DNAJC1: variants seen among roughly 807,000 people sequenced by gnomAD.
The protein encoded by DNAJC1 is dnaJ homolog subfamily C member 1.
DNAJC1 carries 58 observed loss-of-function variants against 76.6 expected under a neutral mutation model. The ratio of observed to expected loss-of-function variants is 0.76; its 90% CI spans 0.61 to 0.94. The LOEUF (loss-of-function observed/expected upper bound fraction) is 0.94. DNAJC1 is among the 40% of genes least tolerant of loss of function. The probability of loss-of-function intolerance (pLI) is 0.00; values close to 1 mark genes in which losing one functional copy is unlikely to be tolerated. For missense variants in DNAJC1, 689 were observed against 677.3 expected (o/e 1.02, Z -0.19); for synonymous variants, 258 against 267.9 (o/e 0.96, Z 0.36).
At chr10:21,889,119 C>T (rs1311347126) in intron 7 of DNAJC1, among the ~76,000 whole-genome samples, 2 of 152,082 alleles carry the variant, frequency 1.3e-5, no homozygotes, top group African/African-American at 4.8e-5. Flanking sequence ...AGTGTGAATG[C>T]TTCTGCCTCT....
At chr10:21,967,342 T>C (rs1482009088) in intron 1 of DNAJC1, among the ~76,000 whole-genome samples, 1 of 152,176 alleles carries the variant, frequency 6.6e-6, no homozygotes, top group Non-Finnish European at 1.5e-5. Flanking sequence ...TTGAGGTTCA[T>C]CCATACCATC....
chr10:21,994,037 G>C (rs533340027), intron 1 of DNAJC1, among the ~76,000 whole-genome samples: 1 of 152,142 alleles, frequency 6.6e-6, no homozygotes, highest in South Asian at 2.1e-4. Flanking sequence ...ACTTCTCTGG[G>C]ACTTTTCTTT....
At chr10:21,842,378 C>T (rs1274231349) in intron 8 of DNAJC1, among the ~76,000 whole-genome samples, 2 of 151,872 alleles carry the variant, frequency 1.3e-5, no homozygotes, top group Non-Finnish European at 2.9e-5. Context: ...GAGGGATTTC[C>T]AAGGAAGAGA....
chr10:21,896,182 C>G (rs1027483325), intron 7 of DNAJC1, among the ~76,000 whole-genome samples: 1 of 152,154 alleles, frequency 6.6e-6, no homozygotes, highest in Non-Finnish European at 1.5e-5. Flanking sequence ...ACCACTAAGA[C>G]CTCAGAACTG....
chr10:21,921,821 T>C (rs1032265345), intron 3 of DNAJC1, among the ~76,000 whole-genome samples: 4 of 152,054 alleles, frequency 2.6e-5, no homozygotes, highest in African/African-American at 9.7e-5. Context: ...AGACAATCAT[T>C]GAACAAATAT....
chr10:21,867,042 T>G (rs1393107716), intron 8 of DNAJC1, among the ~76,000 whole-genome samples: 1 of 152,126 alleles, frequency 6.6e-6, no homozygotes, highest in Non-Finnish European at 1.5e-5. Context: ...ATTTATAGCC[T>G]TTAATACCTA....
chr10:21,959,025 T>C (rs1398175719), intron 1 of DNAJC1, among the ~76,000 whole-genome samples: 1 of 152,194 alleles, frequency 6.6e-6, no homozygotes, highest in Non-Finnish European at 1.5e-5. Context: ...CAGTACAGAA[T>C]GCATGGAAGG....
intron 3 of DNAJC1, 129 bp downstream of exon 3, chr10:21,928,377 C>T: frequency 2.6e-6 from 2 of 780,192 alleles, no homozygotes; most frequent in African/African-American, 1.8e-5. Context: ...TTTTAAAACA[C>T]TGCATTTCTC....
chr10:21,776,719 A>G (rs1167621160), intron 9 of DNAJC1, among the ~76,000 whole-genome samples: 1 of 152,216 alleles, frequency 6.6e-6, no homozygotes, highest in Non-Finnish European at 1.5e-5. Context: ...CTGTCTAGAT[A>G]GAAAAATATG....
At chr10:21,892,835 T>C (rs957508110) in intron 7 of DNAJC1, among the ~76,000 whole-genome samples, 7 of 152,028 alleles carry the variant, frequency 4.6e-5, no homozygotes, top group Admixed American at 6.5e-5. Context: ...CAAGATGGCA[T>C]AGCAATCCTA....
chr10:21,875,703 A>C (rs894950044), intron 8 of DNAJC1, among the ~76,000 whole-genome samples: 2 of 152,200 alleles, frequency 1.3e-5, no homozygotes, highest in African/African-American at 4.8e-5. Context: ...AGGCAGGCAG[A>C]TCACTTGTGG....
intron 7 of DNAJC1, among the ~76,000 whole-genome samples, chr10:21,887,614 C>CTTTTGACTTT (rs1836388020): frequency 1.3e-5 from 2 of 152,030 alleles, no homozygotes; most frequent in Non-Finnish European, 2.9e-5. Context: ...TTTGACAAAG[C>CTTTTGACTTT]TGATAAAAAC....
In DNAJC1 at chr10:21,928,494, A is replaced by T; in HGVS notation, c.371+12T>A. The T allele has an allele frequency of 6.2e-7, 1 of 1,610,664 alleles. No individual in the cohort carries two copies. Among genetic ancestry groups the T allele is most frequent in the South Asian group, 1.1e-5 (1 of 90,792 alleles). ...ATAACATCTTAATTCAAAAGCAGAA[A>T]TGAACACTCACCTCTGCCTTCGTTC... On this transcript the variant is annotated intron_variant, in intron 3 of 11. Coordinates refer to ENST00000376980, the MANE Select transcript of DNAJC1 (RefSeq NM_022365.4).
rs1037034313 is a variant in DNAJC1 at position 21,979,124 on chromosome 10, G to C, written c.222+24089C>G. On this transcript the variant is annotated intron_variant, in intron 1 of 11. Transcript: ENST00000376980. ...CAAGATAAGTTTTCTTGCAATTAAA[G>C]ACAAAACCTTAGTAAAATATGAAGA... Among the ~76,000 whole-genome samples, 6 of 151,334 alleles carry C rather than the reference G, an allele frequency of 4.0e-5. No homozygotes were observed. The East Asian group carries it at 1.2e-3, about 29-fold the overall frequency.
At chr10:21,992,596 T>C (rs1838344328) in intron 1 of DNAJC1, among the ~76,000 whole-genome samples, 1 of 152,172 alleles carries the variant, frequency 6.6e-6, no homozygotes, top group Non-Finnish European at 1.5e-5. Context: ...CATTCTTAAA[T>C]GTGACTTTTA....
chr10:21,881,629 C>A (rs1423163045), intron 8 of DNAJC1, among the ~76,000 whole-genome samples: 2 of 152,000 alleles, frequency 1.3e-5, no homozygotes, highest in Non-Finnish European at 2.9e-5. Context: ...TGCTGTCTTA[C>A]ATGTGTGCAC....
intron 8 of DNAJC1, among the ~76,000 whole-genome samples, chr10:21,864,258 C>T (rs1251321930): frequency 1.3e-5 from 2 of 151,638 alleles, no homozygotes; most frequent in South Asian, 2.1e-4. Context: ...AAACTTTGAC[C>T]CTTACCTCAC....
chr10:21,832,068 G>A (rs1459703662), intron 8 of DNAJC1, among the ~76,000 whole-genome samples: 1 of 151,870 alleles, frequency 6.6e-6, no homozygotes, highest in Non-Finnish European at 1.5e-5. Flanking sequence ...GACAGAAAAC[G>A]AAGGAAAATA....
chr10:21,991,140 A>G (rs530496867), intron 1 of DNAJC1, among the ~76,000 whole-genome samples: 6 of 152,308 alleles, frequency 3.9e-5, no homozygotes, highest in Admixed American at 3.9e-4. Context: ...GAAAGAATAT[A>G]GTGAATATTT....
Sources: gnomAD v4.1 joint callset for allele counts (sites outside exome capture counted in the v4.1 genomes callset) on GRCh38, gnomAD v4.1.1 for gene constraint, MANE v1.5 for transcripts, NCBI Gene and HGNC (gene_info 2026-07-23, HGNC 2026-07-21) for gene names.